Variants in ALDH1A3 observed in about 807,000 individuals in gnomAD.
The protein encoded by ALDH1A3 is aldehyde dehydrogenase 1 family member A3, also known as retinaldehyde dehydrogenase 3.
A neutral mutation model predicts 57.5 loss-of-function variants in ALDH1A3; 28 were observed. That is an observed-to-expected ratio of 0.49 (90% CI 0.36 to 0.67). The LOEUF is 0.67. Among genes scored for constraint, ALDH1A3 ranks in the 30% least tolerant of loss-of-function variants. The pLI, the probability that ALDH1A3 is intolerant of heterozygous loss-of-function variation, is 0.00. For synonymous variants in ALDH1A3, 281 were observed against 264.8 expected, an observed-to-expected ratio of 1.06 and a Z score of -0.59; for missense variants, 507 against 669.4, an observed-to-expected ratio of 0.76 and a Z score of 2.68.
intron 12 of ALDH1A3, among the ~76,000 whole-genome samples, chr15:100,910,796 C>G (rs3803427): frequency 0.57 from 87,223 of 152,042 alleles, 25,198 homozygotes; most frequent in East Asian, 0.72. Flanking sequence ...TCCTCCCAGA[C>G]GCCAGACACA....
At chr15:100,890,703 C>G (rs1263218550) in intron 3 of ALDH1A3, among the ~76,000 whole-genome samples, 1 of 152,208 alleles carries the variant, frequency 6.6e-6, no homozygotes, top group Admixed American at 6.5e-5. Flanking sequence ...AGAATCTTGG[C>G]TCCATGTCTC....
intron 9 of ALDH1A3, among the ~76,000 whole-genome samples, chr15:100,904,950 A>T (rs2041808316): frequency 6.6e-6 from 1 of 152,246 alleles, no homozygotes; most frequent in African/African-American, 2.4e-5. Context: ...GGAGAATTCC[A>T]GTAACTATTA....
rs931453424 is a variant in ALDH1A3, at chr15:100,887,239, G to A, written c.205-333G>A. Among the ~76,000 whole-genome samples the A allele has an allele frequency of 5.3e-5, 8 of 152,120 alleles. No individual in the cohort carries two copies. Among genetic ancestry groups the A allele is most frequent in the South Asian group, 2.1e-4 (1 of 4,822 alleles). On this transcript the variant is annotated intron_variant, in intron 2 of 12. Coordinates refer to ENST00000329841, the MANE Select transcript of ALDH1A3 (RefSeq NM_000693.4). The surrounding 1 kb of genome is among the most constrained non-coding windows in gnomAD (Gnocchi z 4.6). ...CTGCTGTTCTCTATAACTGATGGCC[G>A]TGGTCCCAAACTGCAGTCACGTCAA...
At position 100,893,189 on chromosome 15, in the gene ALDH1A3, T is replaced by C; in HGVS notation, c.537+183T>C. 1.9e-6 allele frequency: 1 copy of C among 514,868 alleles called. No homozygotes were observed. Among genetic ancestry groups the C allele is most frequent in the Non-Finnish European group, 3.4e-6 (1 of 297,530 alleles). 31.9% of individuals were successfully genotyped at this position (514,868 alleles called of 1,614,324 possible). On this transcript the variant is annotated intron_variant, in intron 5 of 12. Coordinates refer to ENST00000329841, the MANE Select transcript of ALDH1A3 (RefSeq NM_000693.4). This position sits in a 1 kb window ranked among gnomAD's most constrained non-coding sequence, Gnocchi z 4.8. ...GATGGATTAGACCCCATTTCTGCTC[T>C]CCTAAGACCGGCTTTAGGCATGCCA... is the stretch of plus-strand genomic sequence containing the variant.
chr15:100,907,393 C>G (rs2041832911), intron 11 of ALDH1A3, 115 bp downstream of exon 11: 2 of 1,203,476 alleles, frequency 1.7e-6, no homozygotes, highest in Admixed American at 5.1e-5. Context: ...ATACCAAGCC[C>G]TGTCTCAGTG....
At chr15:100,883,384 T>G (rs2041564200) in intron 1 of ALDH1A3, among the ~76,000 whole-genome samples, 1 of 152,236 alleles carries the variant, frequency 6.6e-6, no homozygotes, top group Non-Finnish European at 1.5e-5. Flanking sequence ...TGGATTTAGT[T>G]TCAGCTGGAA....
chr15:100,896,880 C>T (rs1002926296), intron 7 of ALDH1A3, among the ~76,000 whole-genome samples: 2 of 152,102 alleles, frequency 1.3e-5, no homozygotes, highest in East Asian at 1.9e-4. Context: ...TTTTCCCATT[C>T]GTAGAGGTGT....
rs368919800 is a variant in ALDH1A3, at chr15:100,894,064, C to T, written c.648C>T (p.Leu216=). ...AGACACCTCTCACCGCCCTTTATCT[C>T]GGCTCTCTGATCAAAGAGGTGAGAC... ...AEQTPLTALY[L]GSLIKEAGFP... is the part of the protein sequence containing the mutation. Residue 216 remains leucine (L), a synonymous_variant, in exon 6 of 13, where the codon CTC becomes CTT. Coordinates refer to ENST00000329841, the MANE Select transcript of ALDH1A3 (RefSeq NM_000693.4). This position sits in a 1 kb window ranked among gnomAD's most constrained non-coding sequence, Gnocchi z 4.5. 6.3e-5 allele frequency: 102 copies of T among 1,614,078 alleles called. 2 individuals are homozygous for T. The South Asian group carries it at 1.0e-3, about 16-fold the overall frequency.
intron 3 of ALDH1A3, 71 bp from the exon 4 acceptor site, chr15:100,892,439 A>G: frequency 6.2e-7 from 1 of 1,600,864 alleles, no homozygotes. Context: ...CCCAACTTCC[A>G]TCTTTAACAA....
rs2041676853 is a variant in ALDH1A3, at chr15:100,894,017, A to G, written c.601A>G (p.Met201Val). ...LAPALCCGNT[M>V]VLKPAEQTPL... The stretch of plus-strand genomic sequence containing the variant: ...ACCCGCCCTCTGCTGTGGGAACACC[A>G]TGGTCCTGAAGCCTGCGGAGCAGAC... The change falls in exon 6 of 13, where the codon ATG (methionine) becomes GTG (valine). Residue 201 changes from methionine (M) to valine (V), a missense_variant. Around this residue, in one of 2 missense-constraint regions of ALDH1A3, gnomAD observed 432 missense variants for 608.4 expected, o/e 0.71. Coordinates refer to ENST00000329841, the MANE Select transcript of ALDH1A3 (RefSeq NM_000693.4). This position sits in a 1 kb window ranked among gnomAD's most constrained non-coding sequence, Gnocchi z 4.5. 9 of 1,614,054 alleles carry G rather than the reference A, an allele frequency of 5.6e-6. No homozygotes were observed. Among genetic ancestry groups the G allele is most frequent in the African/African-American group, 1.3e-5 (1 of 74,916 alleles).
Position 100,887,529 on chromosome 15 carries a change from C to T in ALDH1A3, c.205-43C>T, listed in dbSNP as rs1235895494. ...AAAGATGACACCCAAACTGCAGTCACGTCAAAAGATGACAGTCTCTCTCTG... is the reference window on the plus strand; with the variant it reads ...AAAGATGACACCCAAACTGCAGTCATGTCAAAAGATGACAGTCTCTCTCTG... On this transcript the variant is annotated intron_variant, in intron 2 of 12. Transcript: ENST00000329841. The surrounding 1 kb of genome is among the most constrained non-coding windows in gnomAD (Gnocchi z 4.6). 2.5e-5 allele frequency: 38 copies of T among 1,496,604 alleles called. No homozygotes were observed. Among genetic ancestry groups the T allele is most frequent in the South Asian group, 2.7e-5 (2 of 73,758 alleles). 92.7% of individuals were successfully genotyped at this position (1,496,604 alleles called of 1,614,324 possible).
intron 12 of ALDH1A3, chr15:100,913,323 G>A (rs1037836571): frequency 6.6e-6 from 1 of 152,224 alleles, no homozygotes; most frequent in African/African-American, 2.4e-5. Context: ...ATCTGACACA[G>A]GTCTCCCTGA....
At chr15:100,892,781 C>A in intron 4 of ALDH1A3, 142 bp downstream of exon 4, 1 of 1,359,964 alleles carries the variant, frequency 7.4e-7, no homozygotes, top group Admixed American at 2.4e-5. Context: ...AATTCTTCTT[C>A]TAAGAACTTC....
At chr15:100,909,455 ATG>A (rs1469017568) in intron 12 of ALDH1A3, among the ~76,000 whole-genome samples, 2 of 94,394 alleles carry the variant, frequency 2.1e-5, no homozygotes, top group South Asian at 5.0e-4. Flanking sequence ...ACCCCTCCAC[ATG>A]TGTGTGCAAA....
intron 8 of ALDH1A3, 145 bp downstream of exon 8, chr15:100,898,330 C>A: frequency 1.6e-6 from 1 of 636,644 alleles, no homozygotes; most frequent in Non-Finnish European, 2.6e-6. Flanking sequence ...ATCCTGCCCA[C>A]AGTCAGCCAG....
chr15:100,899,794 C>T (rs2041747589), intron 8 of ALDH1A3, among the ~76,000 whole-genome samples: 1 of 152,182 alleles, frequency 6.6e-6, no homozygotes, highest in Non-Finnish European at 1.5e-5. Context: ...TTCTCAAAGC[C>T]AAGGGCACAG....
chr15:100,886,587 A>C (rs4646659), intron 2 of ALDH1A3, among the ~76,000 whole-genome samples: 3,102 of 152,196 alleles, frequency 0.02, 76 homozygotes, highest in African/African-American at 0.054. Flanking sequence ...GTCACTCCTG[A>C]CTGGTGTCCC....
In ALDH1A3 at chr15:100,894,850, G is replaced by A. The variant is rs1240498743; in HGVS notation, c.666+768G>A. ...TCACACTGGTGAGACTTAGGAATGT[G>A]AAAATCCCAACTGTTAAGAAACAGT... On this transcript the variant is annotated intron_variant, in intron 6 of 12. Coordinates refer to ENST00000329841, the MANE Select transcript of ALDH1A3 (RefSeq NM_000693.4). The surrounding 1 kb of genome is among the most constrained non-coding windows in gnomAD (Gnocchi z 4.5). The A allele has an allele frequency of 3.3e-5, 5 of 152,194 alleles. No individual in the cohort carries two copies. The highest frequency in any genetic ancestry group is 7.3e-5 in the Non-Finnish European group (5 of 68,042). The allele number at this position is 152,194 out of a possible 1,614,324, so 9.4% of individuals were successfully genotyped here. A position where few individuals can be genotyped will look rare whatever the true frequency, so the allele number is the denominator to read the frequency against.
intron 6 of ALDH1A3, chr15:100,895,214 G>A (rs537739825): frequency 1.3e-5 from 2 of 152,268 alleles, no homozygotes; most frequent in Admixed American, 6.5e-5. Flanking sequence ...ACTTTGGGAA[G>A]CCGAGGTGGG....
Sources: allele counts gnomAD v4.1 joint callset (sites outside exome capture counted in the v4.1 genomes callset), GRCh38; gene constraint gnomAD v4.1.1; regional missense constraint gnomAD v4.1.1; non-coding constraint Gnocchi (gnomAD v3.1); transcripts MANE v1.5; gene names NCBI Gene and HGNC (gene_info 2026-07-23, HGNC 2026-07-21).